The following BTBD9 variants were observed in gnomAD, a reference collection of about 807,000 sequenced individuals.
BTBD9 encodes the protein BTB domain containing 9, also known as BTB/POZ domain-containing protein 9.
A neutral mutation model predicts 64.3 loss-of-function variants in BTBD9; 49 were observed. The ratio of observed to expected loss-of-function variants is 0.76; its 90% CI spans 0.61 to 0.97. The LOEUF is 0.97. Among genes scored for constraint, BTBD9 ranks in the 50% least tolerant of loss-of-function variants. The pLI is 0.00. For synonymous variants in BTBD9, 260 were observed against 274.7 expected (o/e 0.95, Z 0.53); for missense variants, 598 against 762.1 (o/e 0.78, Z 2.53).
At chr6:38,498,990 A>T (rs1238379098) in intron 6 of BTBD9, among the ~76,000 whole-genome samples, 1 of 152,226 alleles carries the variant, frequency 6.6e-6, no homozygotes, top group Non-Finnish European at 1.5e-5. Context: ...TGAATGATCT[A>T]ACATAACTGG....
intron 6 of BTBD9, among the ~76,000 whole-genome samples, chr6:38,551,646 A>G (rs1774805948): frequency 6.6e-6 from 1 of 152,238 alleles, no homozygotes; most frequent in Admixed American, 6.5e-5. Context: ...GCCAAATTCA[A>G]AGCCAGGCAG....
At chr6:38,540,059 A>T (rs2395700) in intron 6 of BTBD9, among the ~76,000 whole-genome samples, 28,301 of 152,170 alleles carry the variant, frequency 0.19, 2,680 homozygotes, top group East Asian at 0.27. Context: ...ATGGGACATG[A>T]CAATCATAAG....
chr6:38,481,851 G>A (rs1424747567), intron 6 of BTBD9: 2 of 152,210 alleles, frequency 1.3e-5, no homozygotes, highest in Admixed American at 6.5e-5. Flanking sequence ...GCTTAATGCA[G>A]GCAGTTAAAA....
intron 6 of BTBD9, among the ~76,000 whole-genome samples, chr6:38,543,631 G>T (rs540495407): frequency 2.0e-5 from 3 of 152,062 alleles, no homozygotes; most frequent in Non-Finnish European, 2.9e-5. Context: ...AATATACATT[G>T]CACCTGTTTG....
chr6:38,602,715 G>C (rs570591737), intron 1 of BTBD9, among the ~76,000 whole-genome samples: 1 of 151,634 alleles, frequency 6.6e-6, no homozygotes, highest in African/African-American at 2.4e-5. Context: ...TAAGTGTTTG[G>C]ATTTGCCATA....
At chr6:38,344,347 C>A (rs568558592) in intron 7 of BTBD9, among the ~76,000 whole-genome samples, 1 of 152,260 alleles carries the variant, frequency 6.6e-6, no homozygotes, top group South Asian at 2.1e-4. Flanking sequence ...ACCAAGCAAA[C>A]AATTACACTA....
intron 6 of BTBD9, among the ~76,000 whole-genome samples, chr6:38,521,147 A>ATATGACC (rs1321551761): frequency 2.0e-5 from 3 of 151,334 alleles, no homozygotes; most frequent in African/African-American, 7.3e-5. Flanking sequence ...AAAAAAAAAG[A>ATATGACC]TATGACCTGT....
rs1766762305 is a variant in BTBD9, at chr6:38,171,562, GTGTGT to G, written c.*3418_*3422del. 2.9e-4 allele frequency: 1 copy of G among 3,440 alleles called. No homozygotes were observed. Among genetic ancestry groups the G allele is most frequent in the Non-Finnish European group, 1.3e-3 (1 of 780 alleles). The allele number at this position is 3,440 out of a possible 1,614,324, so 0.2% of individuals were successfully genotyped here. On this transcript the variant is annotated 3_prime_UTR_variant, in exon 11 of 11. Transcript: ENST00000481247. ...TGAGAAAATGGTAAAACGGGTGTGTGTGTGTGTGTGTGTGTGTGTGTGTGTGTGTG... is the reference window on the plus strand; with the variant it reads ...TGAGAAAATGGTAAAACGGGTGTGTGGTGTGTGTGTGTGTGTGTGTGTGTG...
chr6:38,300,702 T>C (rs1238456812), intron 7 of BTBD9, among the ~76,000 whole-genome samples: 7 of 152,222 alleles, frequency 4.6e-5, no homozygotes, highest in Non-Finnish European at 7.3e-5. Context: ...TTTTTGCACA[T>C]TGATTTTGTA....
At chr6:38,579,724 T>G (rs1365999644) in intron 5 of BTBD9, among the ~76,000 whole-genome samples, 1 of 152,248 alleles carries the variant, frequency 6.6e-6, no homozygotes, top group African/African-American at 2.4e-5. Context: ...TAACTCATGG[T>G]AGAATACAAA....
intron 6 of BTBD9, among the ~76,000 whole-genome samples, chr6:38,483,169 C>CT (rs1771239809): frequency 1.3e-5 from 2 of 152,000 alleles, no homozygotes; most frequent in South Asian, 4.1e-4. Context: ...CCCAGTGATA[C>CT]TTTATCTTCT....
chr6:38,373,689 A>C lies in BTBD9; in HGVS notation c.1155-28596T>G, dbSNP rs1207822496. Among the ~76,000 whole-genome samples, 6 of 151,976 alleles carry C rather than the reference A, an allele frequency of 3.9e-5. No homozygotes were observed. In the East Asian group the frequency reaches 1.2e-3, roughly 29 times the overall value. On this transcript the variant is annotated intron_variant, in intron 6 of 10. Coordinates refer to ENST00000481247, the MANE Select transcript of BTBD9 (RefSeq NM_001099272.2). ...TGGCACTACAGGTGTGCACCACCAC[A>C]TCCAGCTTTTTTATTTTTTGTAGAG...
At position 38,225,950 on chromosome 6, in the gene BTBD9, C is replaced by T. The variant is rs114834734; in HGVS notation, c.1562+30459G>A. Reference sequence around the variant, plus strand: ...AATACTGGTACTTGATGACTGAGCACGTTTCATTGGCAAGGCTTAACTATG... The same window carrying T: ...AATACTGGTACTTGATGACTGAGCATGTTTCATTGGCAAGGCTTAACTATG... On this transcript the variant is annotated intron_variant, in intron 9 of 10. Coordinates refer to ENST00000481247, the MANE Select transcript of BTBD9 (RefSeq NM_001099272.2). Among the ~76,000 whole-genome samples the T allele has an allele frequency of 2.3e-3, 347 of 152,316 alleles. 2 individuals are homozygous for T. The highest frequency in any genetic ancestry group is 8.1e-3 in the African/African-American group (336 of 41,568).
chr6:38,303,794 C>A (rs1349292645), intron 7 of BTBD9, among the ~76,000 whole-genome samples: 1 of 142,910 alleles, frequency 7.0e-6, no homozygotes, highest in African/African-American at 2.5e-5. Flanking sequence ...ATTTCTGTCT[C>A]CAACATATTT....
At chr6:38,620,306 G>A (rs527482621) in intron 1 of BTBD9, among the ~76,000 whole-genome samples, 2 of 152,332 alleles carry the variant, frequency 1.3e-5, no homozygotes, top group East Asian at 3.9e-4. Flanking sequence ...ACCAGAGGAA[G>A]TGGAATGGTT....
intron 4 of BTBD9, among the ~76,000 whole-genome samples, chr6:38,583,433 A>G (rs1315831656): frequency 2.0e-5 from 3 of 152,150 alleles, no homozygotes; most frequent in African/African-American, 7.2e-5. Context: ...CAGGAGGCGG[A>G]GGTTGTAATG....
At chr6:38,214,666 A>C (rs1357469215) in intron 9 of BTBD9, among the ~76,000 whole-genome samples, 3 of 152,130 alleles carry the variant, frequency 2.0e-5, no homozygotes, top group Non-Finnish European at 4.4e-5. Flanking sequence ...GCAACCCCAG[A>C]GATTCCCAAC....
intron 8 of BTBD9, among the ~76,000 whole-genome samples, chr6:38,276,814 T>C (rs556847428): frequency 6.6e-6 from 1 of 152,316 alleles, no homozygotes; most frequent in East Asian, 1.9e-4. Context: ...AGACTTGACT[T>C]TTTCAACTCC....
intron 6 of BTBD9, chr6:38,402,712 T>C (rs1301459318): frequency 3.0e-6 from 2 of 664,352 alleles, no homozygotes; most frequent in Non-Finnish European, 5.4e-6. Context: ...TATAATACTT[T>C]TAGAAGAAAA....
Sources: gnomAD v4.1 joint callset for allele counts (sites outside exome capture counted in the v4.1 genomes callset) on GRCh38, gnomAD v4.1.1 for gene constraint, MANE v1.5 for transcripts, NCBI Gene and HGNC (gene_info 2026-07-23, HGNC 2026-07-21) for gene names.